NHSL1: variants seen among roughly 807,000 people sequenced by gnomAD.
NHSL1 encodes NHS-like protein 1.
Under a neutral mutation model 95.0 loss-of-function variants are expected in NHSL1, and 48 were observed. That is an observed-to-expected ratio of 0.51 (90% CI 0.40 to 0.64). The LOEUF is 0.64. Ranked by LOEUF, NHSL1 falls within the 30% of genes least tolerant of loss-of-function variation. The pLI is 0.00. For synonymous variants in NHSL1, 783 were observed against 833.9 expected (o/e 0.94, Z 1.05); for missense variants, 1,971 against 2,077.7 (o/e 0.95, Z 1.00).
At chr6:138,642,781 A>G (rs1784973904) in intron 1 of NHSL1, among the ~76,000 whole-genome samples, 1 of 152,152 alleles carries the variant, frequency 6.6e-6, no homozygotes, top group South Asian at 2.1e-4. Flanking sequence ...GGGAGAGCCA[A>G]AAGAAGGTTC....
At chr6:138,630,823 G>T (rs186173328) in intron 1 of NHSL1, among the ~76,000 whole-genome samples, 3 of 152,166 alleles carry the variant, frequency 2.0e-5, no homozygotes, top group Non-Finnish European at 4.4e-5. Context: ...CAAGATGGTG[G>T]AATAGAAGGC....
At chr6:138,678,681 C>A (rs969386136) in intron 1 of NHSL1, among the ~76,000 whole-genome samples, 5 of 152,180 alleles carry the variant, frequency 3.3e-5, no homozygotes, top group Non-Finnish European at 5.9e-5. Flanking sequence ...AGCTGTGTGA[C>A]CTGAGGCAAA....
intron 1 of NHSL1, among the ~76,000 whole-genome samples, chr6:138,504,538 T>C (rs1023961004): frequency 6.6e-6 from 1 of 152,156 alleles, no homozygotes; most frequent in Non-Finnish European, 1.5e-5. Context: ...TGGGGAGATA[T>C]GCTGAAACTT....
chr6:138,453,423 C>T (rs1293268347), intron 3 of NHSL1, among the ~76,000 whole-genome samples: 1 of 152,068 alleles, frequency 6.6e-6, no homozygotes, highest in Non-Finnish European at 1.5e-5. Context: ...ACAGTGATTA[C>T]AGCTCATGGC....
chr6:138,601,847 C>T (rs1373243865), intron 1 of NHSL1, among the ~76,000 whole-genome samples: 3 of 151,992 alleles, frequency 2.0e-5, no homozygotes, highest in Admixed American at 1.3e-4. Flanking sequence ...AATCCAGCAA[C>T]AGTATCACAA....
rs890429956 is a variant in NHSL1 at position 138,445,250 on chromosome 6, A to C, written c.532+1751T>G. On this transcript the variant is annotated intron_variant, in intron 4 of 7. Coordinates refer to ENST00000343505, the MANE Select transcript of NHSL1 (RefSeq NM_001144060.2). ...CATTGCACAATCTTCTTATCTTATA[A>C]TATTATTTCATAGGCACTTAATTAT... Among the ~76,000 whole-genome samples the C allele has an allele frequency of 3.9e-5, 6 of 152,178 alleles. No individual in the cohort carries two copies. In the South Asian group the frequency reaches 8.3e-4, roughly 21 times the overall value.
chr6:138,480,266 A>C (rs1268485868), intron 2 of NHSL1, among the ~76,000 whole-genome samples: 1 of 152,176 alleles, frequency 6.6e-6, no homozygotes, highest in Non-Finnish European at 1.5e-5. Context: ...ACACCCTGTG[A>C]ATATTGTATT....
chr6:138,528,535 T>C (rs1319928062), intron 1 of NHSL1, among the ~76,000 whole-genome samples: 5 of 152,220 alleles, frequency 3.3e-5, no homozygotes, highest in African/African-American at 1.2e-4. Context: ...ATATAATTCA[T>C]GATTTGTTCT....
upstream of NHSL1, among the ~76,000 whole-genome samples, chr6:138,503,266 G>T (rs1400856255): frequency 2.0e-5 from 3 of 151,852 alleles, no homozygotes; most frequent in East Asian, 5.8e-4. Context: ...GCATATGATG[G>T]CTCCTTCTCC....
intron 1 of NHSL1, among the ~76,000 whole-genome samples, chr6:138,625,972 C>T (rs1427331653): frequency 6.6e-6 from 1 of 152,192 alleles, no homozygotes; most frequent in African/African-American, 2.4e-5. Context: ...AAGTTGTTTC[C>T]TTATCTTAGC....
In NHSL1 at chr6:138,499,482, A is replaced by G; in HGVS notation, c.-192T>C. 7.6e-7 allele frequency: 1 copy of G among 1,320,256 alleles called. No homozygotes were observed. 81.8% of individuals were successfully genotyped at this position (1,320,256 alleles called of 1,614,324 possible). On this transcript the variant is annotated 5_prime_UTR_variant, in exon 1 of 8. Coordinates refer to ENST00000343505, the MANE Select transcript of NHSL1 (RefSeq NM_001144060.2). ...TGTCAGGCAGTTACAAACCATTAAC[A>G]GTCCTTGAACCTGAAAAACTCCTAC...
chr6:138,433,200 G>T lies in NHSL1; in HGVS notation c.1145C>A (p.Pro382His). 6.4e-7 allele frequency: 1 copy of T among 1,550,786 alleles called. No homozygotes were observed. The highest frequency in any genetic ancestry group is 2.4e-5 in the East Asian group (1 of 40,876). Reference protein sequence around the residue: ...GASGTGTLLRPKSQELRHFES... With the variant: ...GASGTGTLLRHKSQELRHFES... ...GAAGTGTCTCAACTCCTGGGATTTGGGTCTCAAAAGTGTTCCAGTCCCTGA... is the reference window on the plus strand; with the variant it reads ...GAAGTGTCTCAACTCCTGGGATTTGTGTCTCAAAAGTGTTCCAGTCCCTGA... The change falls in exon 6 of 8, where the codon CCC becomes CAC. Residue 382 changes from proline (P) to histidine (H), a missense_variant. Transcript: ENST00000343505.
At position 138,559,577 on chromosome 6, in the gene NHSL1, GT is replaced by G. The variant is rs1783335122; in HGVS notation, c.202+12132del. On this transcript the variant is annotated intron_variant, in intron 1 of 6. Transcript: ENST00000427025. The stretch of plus-strand genomic sequence containing the variant: ...TACACTGTTTCTCAAAGTACTCCTG[GT>G]ATACCAGGCCTTTCTCCAACACCAA... Among the ~76,000 whole-genome samples the G allele has an allele frequency of 2.0e-5, 3 of 152,216 alleles. No individual in the cohort carries two copies. The South Asian group carries it at 6.2e-4, about 32-fold the overall frequency.
chr6:138,626,292 G>C lies in NHSL1; in HGVS notation c.96+66184C>G, dbSNP rs1652831890. 2.6e-5 allele frequency among the ~76,000 whole-genome samples: 4 copies of C among 152,164 alleles called. 1 individual carries two copies. In the South Asian group the frequency reaches 8.3e-4, roughly 31 times the overall value. ...TTAGCTTTTGGAAACAAACTCTTTA[G>C]GTAGAATGTTAATACAGGAGTCTCT... is the stretch of plus-strand genomic sequence containing the variant. On this transcript the variant is annotated intron_variant, in intron 1 of 3. Coordinates refer to the NHSL1 transcript ENST00000491526.
intron 1 of NHSL1, among the ~76,000 whole-genome samples, chr6:138,510,036 G>A (rs910261062): frequency 1.3e-5 from 2 of 152,142 alleles, no homozygotes; most frequent in Admixed American, 6.6e-5. Context: ...AACCTAAAAT[G>A]ACTGAAGGCA....
intron 1 of NHSL1, among the ~76,000 whole-genome samples, chr6:138,539,821 C>G (rs1290627885): frequency 6.6e-6 from 1 of 152,202 alleles, no homozygotes; most frequent in African/African-American, 2.4e-5. Flanking sequence ...ACTCTGTTAA[C>G]TGCTCTTTCA....
chr6:138,481,099 A>C (rs527686587), intron 2 of NHSL1, among the ~76,000 whole-genome samples: 2 of 152,350 alleles, frequency 1.3e-5, no homozygotes, highest in African/African-American at 4.8e-5. Flanking sequence ...TAAGACTATA[A>C]ACATTCATGT....
intron 1 of NHSL1, among the ~76,000 whole-genome samples, chr6:138,518,735 A>G (rs982351364): frequency 1.3e-5 from 2 of 152,002 alleles, no homozygotes; most frequent in African/African-American, 2.4e-5. Flanking sequence ...ATGCCACTGA[A>G]GGCCAGGCGC....
chr6:138,587,456 G>A (rs1051049135), intron 1 of NHSL1, among the ~76,000 whole-genome samples: 10 of 144,250 alleles, frequency 6.9e-5, no homozygotes, highest in Admixed American at 2.1e-4. Context: ...GATGGTGGGC[G>A]CCTGCAATCC....
Sources: allele counts gnomAD v4.1 joint callset (sites outside exome capture counted in the v4.1 genomes callset), GRCh38; gene constraint gnomAD v4.1.1; transcripts MANE v1.5; gene names NCBI Gene and HGNC (gene_info 2026-07-23, HGNC 2026-07-21).